Variants in SNX15 observed in about 807,000 individuals in gnomAD.
SNX15 encodes the protein sorting nexin-15.
SNX15 carries 29 observed loss-of-function variants against 35.2 expected under a neutral mutation model. That is an observed-to-expected ratio of 0.82 (90% CI 0.61 to 1.12). The LOEUF is 1.12. Among genes scored for constraint, SNX15 ranks in the 50% most tolerant of loss-of-function variants. The pLI is 0.00. For synonymous variants in SNX15, 189 were observed against 188.2 expected (o/e 1.00, Z -0.03); for missense variants, 400 against 451.5 (o/e 0.89, Z 1.03).
Position 65,027,551 on chromosome 11 carries a change from CGAAGGATGACTT to C in SNX15, c.15_26del (p.Lys6_Phe9del), listed in dbSNP as rs1427681525. 1 of 1,613,934 alleles carries C rather than the reference CGAAGGATGACTT, an allele frequency of 6.2e-7. No homozygotes were observed. The highest frequency in any genetic ancestry group is 8.5e-7 in the Non-Finnish European group (1 of 1,179,948). ...CAGCTCGGTTTCATGTCCCGCCAGG[CGAAGGATGACTT>C]CCTGCGGCACTACACAGTGTCGGAC... On this transcript the variant is annotated inframe_deletion, in exon 1 of 8. Transcript: ENST00000377244.
At chr11:65,035,435 G>T (rs1946490372) in intron 5 of SNX15, 85 bp from the exon 6 acceptor site, 3 of 1,445,030 alleles carry the variant, frequency 2.1e-6, no homozygotes, top group Non-Finnish European at 2.8e-6. Flanking sequence ...CATGGTTGCT[G>T]CAAGGGTTTA....
intron 5 of SNX15, 26 bp from the exon 6 acceptor site, chr11:65,035,494 C>T (rs527454271): frequency 1.3e-6 from 2 of 1,558,578 alleles, no homozygotes; most frequent in South Asian, 2.4e-5. Context: ...CGCAGGTATT[C>T]ATGACCCCAC....
At chr11:65,029,108 A>C (rs906330048) in intron 1 of SNX15, among the ~76,000 whole-genome samples, 1 of 150,998 alleles carries the variant, frequency 6.6e-6, no homozygotes, top group Non-Finnish European at 1.5e-5. Context: ...TAAATAAATA[A>C]ATAAATAAAT....
chr11:65,039,622 G>A (rs1012751480), intron 7 of SNX15, 64 bp from the exon 8 acceptor site: 61 of 1,050,192 alleles, frequency 5.8e-5, no homozygotes, highest in Admixed American at 2.2e-4. Flanking sequence ...TAAAGGACCC[G>A]ACCAGGGGTT....
In SNX15 at chr11:65,027,546, C is replaced by T; in HGVS notation, c.9C>T (p.Arg3=). The change falls in exon 1 of 8, where the codon CGC becomes CGT. Residue 3 remains arginine, a synonymous_variant. Coordinates refer to ENST00000377244, the MANE Select transcript of SNX15 (RefSeq NM_013306.5). The part of the protein sequence containing the change: MS[R]QAKDDFLRHY... ...CGCTCCAGCTCGGTTTCATGTCCCG[C>T]CAGGCGAAGGATGACTTCCTGCGGC... 1 of 1,613,882 alleles carries T rather than the reference C, an allele frequency of 6.2e-7. No homozygotes were observed. Among genetic ancestry groups the T allele is most frequent in the Middle Eastern group, 1.7e-4 (1 of 6,060 alleles).
chr11:65,027,581 T>C lies in SNX15; in HGVS notation c.44T>C (p.Val15Ala). 1.2e-6 allele frequency: 2 copies of C among 1,614,078 alleles called. No individual in the cohort carries two copies. Among genetic ancestry groups the C allele is most frequent in the South Asian group, 1.1e-5 (1 of 91,082 alleles). Residue 15 changes from valine (V) to alanine (A), a missense_variant, in exon 1 of 8, where the codon GTG becomes GCG. Physicochemically the swap from Val to Ala is moderately conservative, Grantham distance 64. Transcript: ENST00000377244. ...AKDDFLRHYT[V>A]SDPRTHPKGY... ...GATGACTTCCTGCGGCACTACACAGTGTCGGACCCCAGGACTCACCCCAAG... is the reference window on the plus strand; with the variant it reads ...GATGACTTCCTGCGGCACTACACAGCGTCGGACCCCAGGACTCACCCCAAG...
At chr11:65,037,517 C>T (rs907665310) in intron 6 of SNX15, 1 of 152,232 alleles carries the variant, frequency 6.6e-6, no homozygotes, top group African/African-American at 2.4e-5. Context: ...TGTGTCCAGC[C>T]AGGATCTTTT....
chr11:65,028,890 G>A (rs1255630337), intron 1 of SNX15, among the ~76,000 whole-genome samples: 1 of 151,790 alleles, frequency 6.6e-6, no homozygotes, highest in Non-Finnish European at 1.5e-5. Context: ...TCAGGAGATC[G>A]AGACCATCCT....
intron 2 of SNX15, 83 bp downstream of exon 2, chr11:65,032,286 A>G: frequency 6.4e-7 from 1 of 1,568,286 alleles, no homozygotes; most frequent in Non-Finnish European, 8.8e-7. Context: ...CTCTGCTTGG[A>G]CATCGGCCCT....
intron 2 of SNX15, 101 bp from the exon 3 acceptor site, chr11:65,032,330 C>G: frequency 6.3e-7 from 1 of 1,591,518 alleles, no homozygotes; most frequent in Non-Finnish European, 8.6e-7. Context: ...GGGGCTGCTG[C>G]AGCTGCTTCC....
chr11:65,031,758 G>A (rs904312321), intron 1 of SNX15, among the ~76,000 whole-genome samples: 1 of 152,188 alleles, frequency 6.6e-6, no homozygotes, highest in Non-Finnish European at 1.5e-5. Flanking sequence ...ACAAACATTA[G>A]CAAGCGTGGT....
chr11:65,032,113 G>C lies in SNX15; in HGVS notation c.100-55G>C, dbSNP rs1946446034. 17 of 1,577,632 alleles carry C rather than the reference G, an allele frequency of 1.1e-5. No individual in the cohort carries two copies. The South Asian group carries it at 1.7e-4, about 15-fold the overall frequency. ...AGGCACCTGGGGCATTACAGGGTGA[G>C]AGGGTGTCAGATGGCAGTCTCTGGT... On this transcript the variant is annotated intron_variant, in intron 1 of 7. Transcript: ENST00000377244.
At chr11:65,033,076 A>G (rs1015429752) in intron 3 of SNX15, among the ~76,000 whole-genome samples, 1 of 151,384 alleles carries the variant, frequency 6.6e-6, no homozygotes, top group Admixed American at 6.6e-5. Flanking sequence ...GAGTTTCATC[A>G]TATTGGCCAG....
At chr11:65,029,518 TAATAC>T (rs1946416871) in intron 1 of SNX15, among the ~76,000 whole-genome samples, 2 of 148,728 alleles carry the variant, frequency 1.3e-5, no homozygotes, top group Admixed American at 6.8e-5. Context: ...ACATATTATA[TAATAC>T]AATGTATTAT....
intron 6 of SNX15, chr11:65,036,015 G>C (rs1946497949): frequency 5.0e-6 from 1 of 198,630 alleles, no homozygotes; most frequent in Non-Finnish European, 1.0e-5. Context: ...TTTCCTGACT[G>C]GCCAGGGTCT....
Position 65,035,514 on chromosome 11 carries a change from C to G in SNX15, c.521-6C>G. The stretch of plus-strand genomic sequence containing the variant: ...GTATTCATGACCCCACTTATCTCTT[C>G]CTCAGTGGACCCCCCACCATCCAGC... On this transcript the variant is annotated splice_polypyrimidine_tract_variant and splice_region_variant and intron_variant, in intron 5 of 7. Transcript: ENST00000377244. The G allele has an allele frequency of 1.3e-6, 2 of 1,580,758 alleles. No individual in the cohort carries two copies. The highest frequency in any genetic ancestry group is 1.7e-6 in the Non-Finnish European group (2 of 1,167,452).
chr11:65,031,764 G>A (rs1052843871), intron 1 of SNX15, among the ~76,000 whole-genome samples: 4 of 152,178 alleles, frequency 2.6e-5, no homozygotes, highest in African/African-American at 9.7e-5. Flanking sequence ...ATTAGCAAGC[G>A]TGGTGGTGCA....
rs1946567530 is a variant in SNX15, at chr11:65,040,289, C to T, written c.*497C>T. ...AAGTGCTGAGATTACAGGCATGAGTCACTACGCCCGGCCCATGTCTGTCTG... is the reference window on the plus strand; with the variant it reads ...AAGTGCTGAGATTACAGGCATGAGTTACTACGCCCGGCCCATGTCTGTCTG... On this transcript the variant is annotated 3_prime_UTR_variant, in exon 8 of 8. Transcript: ENST00000377244. 6.4e-6 allele frequency: 1 copy of T among 156,520 alleles called. No individual in the cohort carries two copies. The highest frequency in any genetic ancestry group is 6.2e-5 in the Admixed American group (1 of 16,092). 9.7% of individuals were successfully genotyped at this position (156,520 alleles called of 1,614,324 possible).
At position 65,034,881 on chromosome 11, in the gene SNX15, A is replaced by T. The variant is rs1409900899; in HGVS notation, c.291A>T (p.Arg97=). The T allele has an allele frequency of 1.2e-6, 2 of 1,613,892 alleles. No individual in the cohort carries two copies. The highest frequency in any genetic ancestry group is 1.7e-6 in the Non-Finnish European group (2 of 1,179,942). ...RFEASVIEER[R]KGAEDLLRFT... ...AAGCCTCAGTGATCGAGGAGCGGCG[A>T]AAGGGGGCAGAGGACCTGCTTCGCT... The change falls in exon 4 of 8, where the codon CGA becomes CGT. Residue 97 remains arginine, a synonymous_variant. Transcript: ENST00000377244.
Sources: allele counts gnomAD v4.1 joint callset (sites outside exome capture counted in the v4.1 genomes callset), GRCh38; gene constraint gnomAD v4.1.1; transcripts MANE v1.5; gene names NCBI Gene and HGNC (gene_info 2026-07-23, HGNC 2026-07-21).